Variants in COG3 observed in about 807,000 individuals in gnomAD.
The protein encoded by COG3 is component of oligomeric golgi complex 3.
Under a neutral mutation model 114.1 loss-of-function variants are expected in COG3, and 32 were observed. The ratio of observed to expected loss-of-function variants is 0.28; its 90% CI spans 0.21 to 0.38. The LOEUF (loss-of-function observed/expected upper bound fraction) is 0.38, where lower values mean the gene tolerates loss of function less well. COG3 is among the 10% of genes least tolerant of loss of function. COG3 has a pLI of 1.00. For synonymous variants in COG3, 352 were observed against 365.7 expected (o/e 0.96, Z 0.43); for missense variants, 813 against 973.2 (o/e 0.84, Z 2.19).
chr13:45,495,481 G>C (rs1241497902), intron 12 of COG3, among the ~76,000 whole-genome samples: 1 of 151,750 alleles, frequency 6.6e-6, no homozygotes, highest in Admixed American at 6.6e-5. Flanking sequence ...GGGCTCAGGT[G>C]ATTCCCAGCT....
chr13:45,528,587 A>G (rs1330218562), intron 20 of COG3, among the ~76,000 whole-genome samples: 1 of 152,212 alleles, frequency 6.6e-6, no homozygotes, highest in East Asian at 1.9e-4. Flanking sequence ...AGAGGCAACT[A>G]CTATTAAAGT....
intron 1 of COG3, among the ~76,000 whole-genome samples, chr13:45,470,067 C>A (rs73478465): frequency 2.0e-5 from 3 of 152,038 alleles, no homozygotes; most frequent in African/African-American, 7.3e-5. Context: ...ATAAGCACCC[C>A]TTTATAGTTT....
In COG3 at chr13:45,513,476, T is replaced by C. The variant is rs1190476002; in HGVS notation, c.1809+1622T>C. On this transcript the variant is annotated intron_variant, in intron 16 of 22. Transcript: ENST00000349995. ...ATATATAATATATACATATAAATTA[T>C]ATATATAATATATACATATAAATTA... is the stretch of plus-strand genomic sequence containing the variant. Among the ~76,000 whole-genome samples the C allele has an allele frequency of 1.6e-4, 6 of 36,696 alleles. 1 individual carries two copies. Among genetic ancestry groups the C allele is most frequent in the Admixed American group, 8.8e-4 (2 of 2,284 alleles). 24.1% of individuals were successfully genotyped at this position (36,696 alleles called of 152,430 possible). A position where few individuals can be genotyped will look rare whatever the true frequency, so the allele number is the denominator to read the frequency against.
chr13:45,486,692 T>G, intron 8 of COG3, 117 bp downstream of exon 8: 1 of 721,330 alleles, frequency 1.4e-6, no homozygotes. Context: ...GAATGAAAGG[T>G]TGACATTGTC....
intron 20 of COG3, among the ~76,000 whole-genome samples, chr13:45,526,275 G>A (rs554349632): frequency 2.0e-5 from 3 of 150,928 alleles, no homozygotes; most frequent in Admixed American, 6.6e-5. Context: ...TAGTAGAGAC[G>A]GGGTTTTACC....
At chr13:45,516,511 A>G (rs1206660188) in intron 17 of COG3, among the ~76,000 whole-genome samples, 1 of 152,242 alleles carries the variant, frequency 6.6e-6, no homozygotes, top group African/African-American at 2.4e-5. Flanking sequence ...AGACTCTGCC[A>G]CATATTCCTA....
chr13:45,483,878 T>C (rs1048101159), intron 7 of COG3, among the ~76,000 whole-genome samples: 2 of 152,186 alleles, frequency 1.3e-5, no homozygotes, highest in East Asian at 1.9e-4. Context: ...TATTAGGAAT[T>C]GTATAGAAAC....
Position 45,535,433 on chromosome 13 carries a change from G to T in COG3, c.*702G>T. ...TGCAGCATTCTCATCATAGATACGTGCAGTATCTTTAATGAGTATCTTCAT... is the reference window on the plus strand; with the variant it reads ...TGCAGCATTCTCATCATAGATACGTTCAGTATCTTTAATGAGTATCTTCAT... On this transcript the variant is annotated 3_prime_UTR_variant, in exon 23 of 23. Transcript: ENST00000349995. 1.0e-6 allele frequency: 1 copy of T among 985,022 alleles called. No individual in the cohort carries two copies. Among genetic ancestry groups the T allele is most frequent in the Non-Finnish European group, 1.2e-6 (1 of 829,556 alleles). 61.0% of individuals were successfully genotyped at this position (985,022 alleles called of 1,614,324 possible). A position where few individuals can be genotyped will look rare whatever the true frequency, so the allele number is the denominator to read the frequency against.
chr13:45,510,946 G>C (rs977583099), intron 15 of COG3, among the ~76,000 whole-genome samples: 2 of 152,196 alleles, frequency 1.3e-5, no homozygotes, highest in Non-Finnish European at 2.9e-5. Context: ...ACAGGGAGAA[G>C]CAATGTAAAA....
At chr13:45,524,821 T>C (rs886886381) in intron 19 of COG3, among the ~76,000 whole-genome samples, 155 bp from the exon 20 acceptor site, 1 of 75,482 alleles carries the variant, frequency 1.3e-5, no homozygotes, top group Non-Finnish European at 3.6e-5. Flanking sequence ...AGATAATGCA[T>C]TTTTTTTAGG....
At chr13:45,512,716 C>G in intron 16 of COG3, among the ~76,000 whole-genome samples, 1 of 152,028 alleles carries the variant, frequency 6.6e-6, no homozygotes, top group South Asian at 2.1e-4. Context: ...CAGCCTCAAC[C>G]TCCTGAGGTG....
intron 20 of COG3, among the ~76,000 whole-genome samples, chr13:45,525,791 A>G (rs1275883894): frequency 8.1e-5 from 3 of 37,156 alleles, no homozygotes; most frequent in Non-Finnish European, 1.4e-4. Flanking sequence ...TCTAGCCAAT[A>G]TTGTGATAGC....
intron 22 of COG3, among the ~76,000 whole-genome samples, chr13:45,533,043 G>A (rs999343622): frequency 6.6e-6 from 1 of 152,002 alleles, no homozygotes; most frequent in Non-Finnish European, 1.5e-5. Context: ...GGAGGAGGCC[G>A]AGTGTATGGG....
intron 17 of COG3, 93 bp downstream of exon 17, chr13:45,516,356 AT>A (rs1171173795): frequency 1.8e-6 from 2 of 1,098,906 alleles, no homozygotes; most frequent in South Asian, 6.3e-5. Flanking sequence ...TTCATCTGCA[AT>A]TTTTTGCATG....
intron 20 of COG3, among the ~76,000 whole-genome samples, chr13:45,525,807 A>G (rs1205057007): frequency 7.4e-6 from 1 of 134,358 alleles, no homozygotes; most frequent in Non-Finnish European, 1.6e-5. Flanking sequence ...ATAGCCTTTG[A>G]AACTAAAATG....
In COG3 at chr13:45,481,257, A is replaced by T; in HGVS notation, c.577A>T (p.Ile193Phe). The change falls in exon 5 of 23, where the codon ATT becomes TTT. Residue 193 changes from isoleucine to phenylalanine, a missense_variant. This residue lies in a region of COG3 where 424 missense variants were observed against 430.6 expected (regional missense o/e 0.98). Transcript: ENST00000349995. ...QSELVDLAEN[I>F]QQKLSYFNEL... Reference sequence around the variant, plus strand: ...GGAACTTGTTGATCTGGCTGAAAACATTCAACAAAAGCTTTCCTATTTTAA... The same window carrying T: ...GGAACTTGTTGATCTGGCTGAAAACTTTCAACAAAAGCTTTCCTATTTTAA... 6.3e-7 allele frequency: 1 copy of T among 1,598,534 alleles called. No homozygotes were observed. The highest frequency in any genetic ancestry group is 8.6e-7 in the Non-Finnish European group (1 of 1,167,838).
At chr13:45,526,243 G>A (rs973678548) in intron 20 of COG3, among the ~76,000 whole-genome samples, 11 of 151,436 alleles carry the variant, frequency 7.3e-5, no homozygotes, top group African/African-American at 2.7e-4. Context: ...CTGCCACCAT[G>A]CCCAGCTAAT....
At chr13:45,534,039 C>T (rs1873386876) in intron 22 of COG3, among the ~76,000 whole-genome samples, 1 of 152,214 alleles carries the variant, frequency 6.6e-6, no homozygotes, top group Non-Finnish European at 1.5e-5. Context: ...GCAGCCATTT[C>T]CCTCCTATCA....
intron 12 of COG3, among the ~76,000 whole-genome samples, chr13:45,495,239 G>C (rs1021854037): frequency 7.3e-6 from 1 of 136,190 alleles, no homozygotes; most frequent in South Asian, 2.5e-4. Context: ...CATCCTATCT[G>C]CGCCTCCCAA....
Sources: allele counts gnomAD v4.1 joint callset (sites outside exome capture counted in the v4.1 genomes callset), GRCh38; gene constraint gnomAD v4.1.1; regional missense constraint gnomAD v4.1.1; transcripts MANE v1.5; gene names NCBI Gene and HGNC (gene_info 2026-07-23, HGNC 2026-07-21).